TOX3: variants seen among roughly 807,000 people sequenced by gnomAD.
The protein encoded by TOX3 is TOX high mobility group box family member 3, also known as CAG trinucleotide repeat-containing gene F9 protein.
TOX3 carries 22 observed loss-of-function variants against 64.3 expected under a neutral mutation model. The ratio of observed to expected loss-of-function variants is 0.34; its 90% CI spans 0.24 to 0.49. The LOEUF (loss-of-function observed/expected upper bound fraction) is 0.49. TOX3 is among the 20% of genes least tolerant of loss of function. The pLI, the probability that TOX3 is intolerant of heterozygous loss-of-function variation, is 0.99. For synonymous variants in TOX3, 291 were observed against 273.6 expected, an observed-to-expected ratio of 1.06 and a Z score of -0.63; for missense variants, 661 against 714.4, an observed-to-expected ratio of 0.93 and a Z score of 0.85.
At chr16:52,454,346 T>C (rs1960451358) in intron 3 of TOX3, among the ~76,000 whole-genome samples, 1 of 152,006 alleles carries the variant, frequency 6.6e-6, no homozygotes, top group Non-Finnish European at 1.5e-5. Flanking sequence ...ATCCACATAG[T>C]CTTCAGATCC....
At position 52,450,431 on chromosome 16, in the gene TOX3, G is replaced by GTGA; in HGVS notation, c.521_523dup (p.Leu174_Thr175insIle). ...GCTGAGCTGAGACTGGTTGATGGTG[G>GTGA]TGAGCTGGGCAGGAGGCATGACCCC... On this transcript the variant is annotated inframe_insertion, in exon 4 of 7. Coordinates refer to ENST00000219746, the MANE Select transcript of TOX3 (RefSeq NM_001080430.4). The GTGA allele has an allele frequency of 6.2e-7, 1 of 1,614,000 alleles. No homozygotes were observed. The highest frequency in any genetic ancestry group is 1.1e-5 in the South Asian group (1 of 91,084).
rs984060871 is a variant in TOX3 at position 52,546,846 on chromosome 16, G to A, written c.-123C>T. 6 of 1,236,202 alleles carry A rather than the reference G, an allele frequency of 4.9e-6. No individual in the cohort carries two copies. The highest frequency in any genetic ancestry group is 6.1e-6 in the Non-Finnish European group (6 of 989,288). The allele number at this position is 1,236,202 out of a possible 1,614,324, so 76.6% of individuals were successfully genotyped here. On this transcript the variant is annotated 5_prime_UTR_variant, in exon 1 of 7. Coordinates refer to ENST00000219746, the MANE Select transcript of TOX3 (RefSeq NM_001080430.4). The stretch of plus-strand genomic sequence containing the variant: ...GGGGTGGCGCGTGGGACTCGCGGCC[G>A]GAGGGGCGCCGGGACCCAGAGCCCG...
intron 1 of TOX3, among the ~76,000 whole-genome samples, chr16:52,506,183 A>G (rs1962157265): frequency 6.6e-6 from 1 of 152,154 alleles, no homozygotes; most frequent in Admixed American, 6.5e-5. Context: ...GTCTTCTCAC[A>G]CTAAAACCAA....
intron 5 of TOX3, chr16:52,445,751 T>C (rs903772900): frequency 1.1e-5 from 5 of 449,954 alleles, no homozygotes; most frequent in African/African-American, 9.9e-5. Context: ...GGATACTGCC[T>C]GGATTTCTTC....
In TOX3 at chr16:52,460,098, C is replaced by T. The variant is rs531570918; in HGVS notation, c.408+3836G>A. Among the ~76,000 whole-genome samples, 219 of 152,122 alleles carry T rather than the reference C, an allele frequency of 1.4e-3. 1 individual carries two copies. The highest frequency in any genetic ancestry group is 5.1e-3 in the African/African-American group (211 of 41,524). ...ACCTTTTCTTCTCTTTTTCTCTTCC[C>T]TTTAACAGGTACGAATACTACCATA... is the stretch of plus-strand genomic sequence containing the variant. On this transcript the variant is annotated intron_variant, in intron 3 of 6. Coordinates refer to ENST00000219746, the MANE Select transcript of TOX3 (RefSeq NM_001080430.4).
Position 52,445,823 on chromosome 16 carries a change from C to T in TOX3, c.906+171G>A, listed in dbSNP as rs1960145704. ...TAAGCTGACAGAGAAATCAATATAA[C>T]TGGAGAGTTGTTTAGATTTATATGT... is the stretch of plus-strand genomic sequence containing the variant. On this transcript the variant is annotated intron_variant, in intron 5 of 6. Coordinates refer to ENST00000219746, the MANE Select transcript of TOX3 (RefSeq NM_001080430.4). 16 of 648,730 alleles carry T rather than the reference C, an allele frequency of 2.5e-5. No homozygotes were observed. The South Asian group carries it at 3.5e-4, about 14-fold the overall frequency. The allele number at this position is 648,730 out of a possible 1,614,324, so 40.2% of individuals were successfully genotyped here. A position where few individuals can be genotyped will look rare whatever the true frequency, so the allele number is the denominator to read the frequency against.
intron 1 of TOX3, among the ~76,000 whole-genome samples, chr16:52,498,486 C>G (rs559346847): frequency 6.6e-6 from 1 of 152,244 alleles, no homozygotes; most frequent in Non-Finnish European, 1.5e-5. Flanking sequence ...GCTGGGAGCC[C>G]CCGCATGATC....
chr16:52,437,439 G>A lies in TOX3; in HGVS notation c.*1786C>T, dbSNP rs1318073542. The A allele has an allele frequency of 1.3e-5, 2 of 152,214 alleles. No individual in the cohort carries two copies. The highest frequency in any genetic ancestry group is 4.8e-5 in the African/African-American group (2 of 41,450). 9.4% of individuals were successfully genotyped at this position (152,214 alleles called of 1,614,324 possible). ...TCTTTCCAGATTAGGATTCTGGTCAGGGTTGACACTTGCTGTTTTTAATTT... is the reference window on the plus strand; with the variant it reads ...TCTTTCCAGATTAGGATTCTGGTCAAGGTTGACACTTGCTGTTTTTAATTT... On this transcript the variant is annotated 3_prime_UTR_variant, in exon 7 of 7. Coordinates refer to ENST00000219746, the MANE Select transcript of TOX3 (RefSeq NM_001080430.4).
rs1354391171 is a variant in TOX3, at chr16:52,547,002, G to A, written c.-279C>T. The A allele has an allele frequency of 2.1e-6, 2 of 951,734 alleles. No homozygotes were observed. Among genetic ancestry groups the A allele is most frequent in the South Asian group, 4.6e-5 (1 of 21,516 alleles). 59.0% of individuals were successfully genotyped at this position (951,734 alleles called of 1,614,324 possible). ...CGCTGCGCGCGGGCCGGGCGCCGGG[G>A]GCGCGGGGCGCGGCGCTGGGGCCCG... On this transcript the variant is annotated 5_prime_UTR_variant, in exon 1 of 7. Transcript: ENST00000219746.
chr16:52,445,201 T>C (rs892149860), intron 5 of TOX3: 1 of 152,236 alleles, frequency 6.6e-6, no homozygotes, highest in African/African-American at 2.4e-5. Context: ...TAGGAATGAG[T>C]TCCTGAAATA....
intron 5 of TOX3, 75 bp downstream of exon 5, chr16:52,445,919 C>T (rs1367440816): frequency 6.5e-6 from 9 of 1,388,506 alleles, no homozygotes; most frequent in African/African-American, 2.9e-5. Context: ...AACACATGCA[C>T]TTGGAAAAGG....
At chr16:52,467,687 A>G (rs1426906957) in intron 2 of TOX3, among the ~76,000 whole-genome samples, 1 of 152,132 alleles carries the variant, frequency 6.6e-6, no homozygotes, top group African/African-American at 2.4e-5. Context: ...CACACAGTCT[A>G]CCATTTTTAG....
intron 1 of TOX3, among the ~76,000 whole-genome samples, chr16:52,508,037 C>T (rs1962207693): frequency 2.6e-5 from 4 of 152,114 alleles, no homozygotes; most frequent in Admixed American, 1.3e-4. Context: ...TCCAAAATAT[C>T]GAGCAGTTTT....
intron 1 of TOX3, among the ~76,000 whole-genome samples, chr16:52,536,143 C>A (rs1003020280): frequency 2.0e-5 from 3 of 152,106 alleles, no homozygotes; most frequent in African/African-American, 7.2e-5. Context: ...AGTAAATACA[C>A]CCCCTATCCT....
chr16:52,501,442 C>A (rs1371812415), intron 1 of TOX3, among the ~76,000 whole-genome samples: 1 of 152,046 alleles, frequency 6.6e-6, no homozygotes. Context: ...GAGGCTGAGG[C>A]GGGCGGATCA....
intron 3 of TOX3, among the ~76,000 whole-genome samples, chr16:52,452,685 T>TAATA (rs1555480002): frequency 2.7e-5 from 4 of 149,610 alleles, no homozygotes; most frequent in African/African-American, 9.8e-5. Context: ...ATAATAATAA[T>TAATA]AAAAAAAAGA....
Position 52,440,063 on chromosome 16 carries a change from C to T in TOX3, c.988-95G>A, listed in dbSNP as rs560383842. 44 of 1,046,006 alleles carry T rather than the reference C, an allele frequency of 4.2e-5. No individual in the cohort carries two copies. The Admixed American group carries it at 5.9e-4, about 14-fold the overall frequency. 64.8% of individuals were successfully genotyped at this position (1,046,006 alleles called of 1,614,324 possible). ...GATATTATAAATTGATTTTTTTTAA[C>T]GGCCACCATTATTCATGCCCTCCTG... On this transcript the variant is annotated intron_variant, in intron 6 of 6. Coordinates refer to ENST00000219746, the MANE Select transcript of TOX3 (RefSeq NM_001080430.4).
intron 1 of TOX3, among the ~76,000 whole-genome samples, chr16:52,539,637 G>C (rs1963032682): frequency 1.3e-5 from 2 of 152,116 alleles, no homozygotes; most frequent in Admixed American, 1.3e-4. Flanking sequence ...TCATTCATCT[G>C]CTTTACTACA....
At chr16:52,500,869 C>T (rs1961982221) in intron 1 of TOX3, among the ~76,000 whole-genome samples, 1 of 152,068 alleles carries the variant, frequency 6.6e-6, no homozygotes, top group African/African-American at 2.4e-5. Context: ...CTATTATTAC[C>T]ATGCCCATTT....
Sources: allele counts gnomAD v4.1 joint callset (sites outside exome capture counted in the v4.1 genomes callset), GRCh38; gene constraint gnomAD v4.1.1; transcripts MANE v1.5; gene names NCBI Gene and HGNC (gene_info 2026-07-23, HGNC 2026-07-21).